The following ULK4 variants were observed in gnomAD, a reference collection of about 807,000 sequenced individuals.
ULK4 encodes the protein unc-51 like kinase 4.
ULK4 carries 133 observed loss-of-function variants against 160.6 expected under a neutral mutation model. The observed-to-expected ratio is 0.83, with a 90% confidence interval of 0.72 to 0.96. The LOEUF is 0.96. Ranked by LOEUF, ULK4 falls within the 40% of genes least tolerant of loss-of-function variation. The pLI, the probability that ULK4 is intolerant of heterozygous loss-of-function variation, is 0.00. For synonymous variants in ULK4, 534 were observed against 539.8 expected (o/e 0.99, Z 0.15); for missense variants, 1,580 against 1,499.5 (o/e 1.05, Z -0.89).
intron 29 of ULK4, among the ~76,000 whole-genome samples, chr3:41,680,768 G>A (rs1035435222): frequency 1.1e-4 from 17 of 152,118 alleles, no homozygotes; most frequent in African/African-American, 4.1e-4. Context: ...CCCAGGCCCT[G>A]GAGAAAGCCA....
intron 32 of ULK4, among the ~76,000 whole-genome samples, chr3:41,501,268 C>G (rs530664363): frequency 4.6e-5 from 7 of 152,124 alleles, no homozygotes; most frequent in Non-Finnish European, 1.0e-4. Context: ...GAGGCCGAGA[C>G]GGGCGGATCA....
At chr3:41,889,838 T>C (rs1420441644) in intron 16 of ULK4, among the ~76,000 whole-genome samples, 2 of 152,214 alleles carry the variant, frequency 1.3e-5, no homozygotes, top group South Asian at 2.1e-4. Flanking sequence ...TTATTCATAA[T>C]AGCCAAATGT....
intron 32 of ULK4, among the ~76,000 whole-genome samples, chr3:41,466,268 G>A (rs759391669): frequency 3.3e-5 from 5 of 152,100 alleles, no homozygotes; most frequent in African/African-American, 7.2e-5. Context: ...CTGAGCATTC[G>A]GGGTGTTCAT....
At chr3:41,343,179 T>C (rs2080722812) in intron 35 of ULK4, among the ~76,000 whole-genome samples, 1 of 150,568 alleles carries the variant, frequency 6.6e-6, no homozygotes. Flanking sequence ...GCCAGGGCAA[T>C]CAGGCAAGAG....
At chr3:41,727,705 AGGAG>A (rs1163806711) in intron 22 of ULK4, among the ~76,000 whole-genome samples, 1 of 152,164 alleles carries the variant, frequency 6.6e-6, no homozygotes. Flanking sequence ...TTTACTCTCA[AGGAG>A]AAAGAGTGGC....
chr3:41,645,367 T>C (rs971525616), intron 30 of ULK4, among the ~76,000 whole-genome samples: 7 of 152,164 alleles, frequency 4.6e-5, no homozygotes, highest in Non-Finnish European at 8.8e-5. Flanking sequence ...GCTTTGAATG[T>C]GTCCCAGAGA....
At chr3:41,906,980 A>T (rs796651205) in intron 12 of ULK4, among the ~76,000 whole-genome samples, 13 of 117,062 alleles carry the variant, frequency 1.1e-4, no homozygotes, top group Non-Finnish European at 2.0e-4. Context: ...CGACTGAGCA[A>T]GACTGTCTCC....
rs529160786 is a variant in ULK4, at chr3:41,868,447, T to A, written c.1656+15427A>T. The stretch of plus-strand genomic sequence containing the variant: ...TATATCTTGTAAGTCTAACTTCCCA[T>A]TTAAAGTATGTCTCATATAAACTGT... On this transcript the variant is annotated intron_variant, in intron 17 of 36. Transcript: ENST00000301831. Among the ~76,000 whole-genome samples, 4 of 152,318 alleles carry A rather than the reference T, an allele frequency of 2.6e-5. No homozygotes were observed. The East Asian group carries it at 7.7e-4, about 29-fold the overall frequency.
chr3:41,736,749 A>G (rs925854462), intron 22 of ULK4, among the ~76,000 whole-genome samples: 12 of 151,318 alleles, frequency 7.9e-5, no homozygotes, highest in African/African-American at 1.5e-4. Context: ...TTGGTGTTTT[A>G]GACATGAAGT....
intron 32 of ULK4, among the ~76,000 whole-genome samples, chr3:41,535,383 A>G (rs2086462682): frequency 6.6e-6 from 1 of 152,236 alleles, no homozygotes; most frequent in African/African-American, 2.4e-5. Context: ...GCTGAGGATG[A>G]AAGTCAGTTT....
chr3:41,731,980 A>C (rs2037841755), intron 22 of ULK4, among the ~76,000 whole-genome samples: 1 of 152,212 alleles, frequency 6.6e-6, no homozygotes, highest in Non-Finnish European at 1.5e-5. Flanking sequence ...ACAAAAATCA[A>C]GTCAAAATGG....
At chr3:41,685,488 T>A (rs1460164996) in intron 27 of ULK4, among the ~76,000 whole-genome samples, 1 of 152,188 alleles carries the variant, frequency 6.6e-6, no homozygotes, top group Non-Finnish European at 1.5e-5. Context: ...CCCATAATGT[T>A]TAACCATGCC....
chr3:41,541,800 G>C (rs971426743), intron 32 of ULK4, among the ~76,000 whole-genome samples: 7 of 152,082 alleles, frequency 4.6e-5, no homozygotes, highest in Non-Finnish European at 8.8e-5. Context: ...ATTGTGAATG[G>C]GAGTTCGCTC....
chr3:41,639,387 CAAAG>C (rs1184458489), intron 30 of ULK4, among the ~76,000 whole-genome samples: 1 of 152,032 alleles, frequency 6.6e-6, no homozygotes, highest in Admixed American at 6.6e-5. Context: ...AGCCAAAAAT[CAAAG>C]AAGACAAAAA....
chr3:41,772,515 A>G (rs1203348835), intron 21 of ULK4, among the ~76,000 whole-genome samples: 1 of 152,182 alleles, frequency 6.6e-6, no homozygotes, highest in African/African-American at 2.4e-5. Context: ...CCAAGACTAA[A>G]CCAGGAAGAA....
intron 35 of ULK4, among the ~76,000 whole-genome samples, chr3:41,276,474 C>T (rs1021034455): frequency 2.6e-5 from 4 of 152,076 alleles, no homozygotes; most frequent in African/African-American, 9.7e-5. Context: ...TGAGAGGGGA[C>T]GTCAGAGGAT....
In ULK4 at chr3:41,542,474, A is replaced by C. The variant is rs146601324; in HGVS notation, c.3226+23551T>G. Reference sequence around the variant, plus strand: ...TGCATCGATGTTCATCTTTGGCCTGAAATTTTCTTTTTTTGTTTTGTCTTT... The same window carrying C: ...TGCATCGATGTTCATCTTTGGCCTGCAATTTTCTTTTTTTGTTTTGTCTTT... On this transcript the variant is annotated intron_variant, in intron 32 of 36. Transcript: ENST00000301831. 2.4e-4 allele frequency among the ~76,000 whole-genome samples: 36 copies of C among 152,082 alleles called. No homozygotes were observed. In the East Asian group the frequency reaches 5.6e-3, roughly 24 times the overall value.
intron 34 of ULK4, among the ~76,000 whole-genome samples, chr3:41,433,282 A>C (rs192865540): frequency 1.1e-3 from 169 of 152,314 alleles, no homozygotes; most frequent in Admixed American, 1.9e-3. Flanking sequence ...GCAAAACATC[A>C]AAGACCTATC....
chr3:41,470,018 G>GA (rs71094650), intron 32 of ULK4, among the ~76,000 whole-genome samples: 2,146 of 45,914 alleles, frequency 0.047, 271 homozygotes, highest in Middle Eastern at 0.083. Flanking sequence ...AAACAGAACA[G>GA]AAAAAAAAAA....
Sources: gnomAD v4.1 joint callset for allele counts (sites outside exome capture counted in the v4.1 genomes callset) on GRCh38, gnomAD v4.1.1 for gene constraint, MANE v1.5 for transcripts, NCBI Gene and HGNC (gene_info 2026-07-23, HGNC 2026-07-21) for gene names.